The following HECW1 variants were observed in gnomAD, a reference collection of about 807,000 sequenced individuals.
HECW1 encodes the protein HECT, C2 and WW domain containing E3 ubiquitin protein ligase 1.
Under a neutral mutation model 182.3 loss-of-function variants are expected in HECW1, and 61 were observed. That is an observed-to-expected ratio of 0.33 (90% CI 0.27 to 0.41). The LOEUF is 0.41. Ranked by LOEUF, HECW1 falls within the 10% of genes least tolerant of loss-of-function variation. The probability of loss-of-function intolerance (pLI) is 1.00; values close to 1 mark genes in which losing one functional copy is unlikely to be tolerated. For synonymous variants in HECW1, 859 were observed against 832.6 expected (o/e 1.03, Z -0.55); for missense variants, 1,739 against 2,108.9 (o/e 0.82, Z 3.44).
chr7:43,141,042 G>A (rs926308380), intron 2 of HECW1, among the ~76,000 whole-genome samples: 2 of 152,198 alleles, frequency 1.3e-5, no homozygotes, highest in Non-Finnish European at 2.9e-5. Context: ...CAGCCATGCG[G>A]TGGGTTAGGA....
chr7:43,367,342 C>T (rs1816784264), intron 6 of HECW1, among the ~76,000 whole-genome samples: 1 of 152,168 alleles, frequency 6.6e-6, no homozygotes, highest in African/African-American at 2.4e-5. Flanking sequence ...ACCTCATTAA[C>T]AATACTATGA....
chr7:43,503,977 C>T (rs1017194974), intron 21 of HECW1, among the ~76,000 whole-genome samples: 10 of 152,296 alleles, frequency 6.6e-5, no homozygotes, highest in Middle Eastern at 3.4e-3. Context: ...CCATTGGTTC[C>T]CTCAGGCCCA....
At chr7:43,413,955 T>G (rs1464086277) in intron 8 of HECW1, among the ~76,000 whole-genome samples, 8 of 146,058 alleles carry the variant, frequency 5.5e-5, no homozygotes, top group Middle Eastern at 3.3e-3. Context: ...TTTGGTTCCA[T>G]ATGAACTTTA....
chr7:43,345,799 T>TAC lies in HECW1; in HGVS notation c.461-15059_461-15058dup, dbSNP rs58255657. ...GTTGTGTAGTATTCCATCATATATATACACACACACACACACACACACACA... is the reference window on the plus strand; with the variant it reads ...GTTGTGTAGTATTCCATCATATATATACACACACACACACACACACACACACA... On this transcript the variant is annotated intron_variant, in intron 5 of 29. Coordinates refer to ENST00000395891, the MANE Select transcript of HECW1 (RefSeq NM_015052.5). Among the ~76,000 whole-genome samples, 141 of 150,790 alleles carry TAC rather than the reference T, an allele frequency of 9.4e-4. No individual in the cohort carries two copies. The East Asian group carries it at 0.012, about 13-fold the overall frequency.
chr7:43,535,684 G>A lies in HECW1; in HGVS notation c.4020-5479G>A, dbSNP rs189789737. ...ATGAAAACCACTATTTGCATGTATCGAGGGTGTCCGTACTGTACCGTGGTG... is the reference window on the plus strand; with the variant it reads ...ATGAAAACCACTATTTGCATGTATCAAGGGTGTCCGTACTGTACCGTGGTG... On this transcript the variant is annotated intron_variant, in intron 24 of 29. Coordinates refer to ENST00000395891, the MANE Select transcript of HECW1 (RefSeq NM_015052.5). Among the ~76,000 whole-genome samples the A allele has an allele frequency of 7.2e-5, 11 of 152,312 alleles. No individual in the cohort carries two copies. In the East Asian group the frequency reaches 7.7e-4, roughly 11 times the overall value.
chr7:43,474,471 T>C (rs1232236147), intron 16 of HECW1, among the ~76,000 whole-genome samples: 1 of 151,764 alleles, frequency 6.6e-6, no homozygotes, highest in Middle Eastern at 3.2e-3. Flanking sequence ...AATAAATAAA[T>C]AAAAATCCTT....
chr7:43,523,206 G>A, intron 24 of HECW1: 1 of 240,214 alleles, frequency 4.2e-6, no homozygotes, highest in South Asian at 3.7e-5. Context: ...GTTTCTCCAT[G>A]TTGGCCGGGG....
chr7:43,290,944 G>A (rs1054126046), intron 3 of HECW1, among the ~76,000 whole-genome samples: 1 of 152,210 alleles, frequency 6.6e-6, no homozygotes, highest in African/African-American at 2.4e-5. Context: ...CCAGGATGAA[G>A]TTTCCATCAA....
rs1318516763 is a variant in HECW1 at position 43,562,612 on chromosome 7, A to G, written c.*686A>G. 3 of 227,386 alleles carry G rather than the reference A, an allele frequency of 1.3e-5. No individual in the cohort carries two copies. Among genetic ancestry groups the G allele is most frequent in the Admixed American group, 1.1e-4 (2 of 17,514 alleles). 14.1% of individuals were successfully genotyped at this position (227,386 alleles called of 1,614,324 possible). A position where few individuals can be genotyped will look rare whatever the true frequency, so the allele number is the denominator to read the frequency against. ...AAACACCTGCTGCTGATGCAATGCAATGCATCCCAATGGTTGTGGGGATTG... is the reference window on the plus strand; with the variant it reads ...AAACACCTGCTGCTGATGCAATGCAGTGCATCCCAATGGTTGTGGGGATTG... On this transcript the variant is annotated 3_prime_UTR_variant, in exon 30 of 30. Coordinates refer to ENST00000395891, the MANE Select transcript of HECW1 (RefSeq NM_015052.5).
chr7:43,499,617 A>G (rs2079258942), intron 19 of HECW1, among the ~76,000 whole-genome samples: 4 of 152,188 alleles, frequency 2.6e-5, no homozygotes, highest in Admixed American at 2.6e-4. Context: ...CTCAAAGTGT[A>G]AAAATTAAAC....
At position 43,173,250 on chromosome 7, in the gene HECW1, G is replaced by A. The variant is rs188927117; in HGVS notation, c.-32+58859G>A. On this transcript the variant is annotated intron_variant, in intron 2 of 29. Coordinates refer to ENST00000395891, the MANE Select transcript of HECW1 (RefSeq NM_015052.5). ...AAAAGACGCAGAGGAAAATTAAAGG[G>A]CCACTTTGCATGGCTAAGCAGAGGA... is the stretch of plus-strand genomic sequence containing the variant. Among the ~76,000 whole-genome samples the A allele has an allele frequency of 3.9e-3, 528 of 136,824 alleles. 1 individual carries two copies. The highest frequency in any genetic ancestry group is 6.6e-3 in the Non-Finnish European group (423 of 64,406). 89.8% of individuals were successfully genotyped at this position (136,824 alleles called of 152,430 possible).
At chr7:43,426,070 T>G (rs918845472) in intron 8 of HECW1, among the ~76,000 whole-genome samples, 1 of 152,156 alleles carries the variant, frequency 6.6e-6, no homozygotes, top group East Asian at 1.9e-4. Flanking sequence ...AAAATTTTCT[T>G]GCTAACAAGC....
At chr7:43,127,768 C>T (rs1786437731) in intron 2 of HECW1, among the ~76,000 whole-genome samples, 2 of 152,100 alleles carry the variant, frequency 1.3e-5, no homozygotes, top group Admixed American at 1.3e-4. Context: ...ACACTATCTT[C>T]AAACATAAAA....
chr7:43,471,722 G>T (rs993937106), intron 16 of HECW1, among the ~76,000 whole-genome samples: 6 of 152,190 alleles, frequency 3.9e-5, no homozygotes, highest in Non-Finnish European at 7.3e-5. Context: ...GTCACCATCA[G>T]AGAGGTAGGG....
chr7:43,358,071 A>G (rs184313564), intron 5 of HECW1, among the ~76,000 whole-genome samples: 106 of 152,276 alleles, frequency 7.0e-4, no homozygotes, highest in African/African-American at 2.5e-3. Context: ...TTTTCTTTAA[A>G]TGGAAATCTA....
At chr7:43,388,611 G>A (rs1300585122) in intron 6 of HECW1, among the ~76,000 whole-genome samples, 1 of 152,172 alleles carries the variant, frequency 6.6e-6, no homozygotes, top group African/African-American at 2.4e-5. Context: ...GCCCCAGGGT[G>A]TTACTGCTGG....
chr7:43,167,202 T>A (rs1326368949), intron 2 of HECW1, among the ~76,000 whole-genome samples: 4 of 152,102 alleles, frequency 2.6e-5, no homozygotes, highest in Non-Finnish European at 5.9e-5. Context: ...TCCTCCCCTA[T>A]CCTCTTCCAG....
chr7:43,565,283 T>C lies in HECW1; in HGVS notation c.*3357T>C, dbSNP rs2152968362. 4.8e-6 allele frequency: 1 copy of C among 206,756 alleles called. No individual in the cohort carries two copies. The highest frequency in any genetic ancestry group is 9.9e-6 in the Non-Finnish European group (1 of 101,134). 12.8% of individuals were successfully genotyped at this position (206,756 alleles called of 1,614,324 possible). A position where few individuals can be genotyped will look rare whatever the true frequency, so the allele number is the denominator to read the frequency against. On this transcript the variant is annotated 3_prime_UTR_variant, in exon 30 of 30. Coordinates refer to ENST00000395891, the MANE Select transcript of HECW1 (RefSeq NM_015052.5). ...AAAATTAAGAAAAAGAGACATATGA[T>C]TTGGGGGAGCAGGCGTTAAACATGC...
chr7:43,203,530 A>G (rs1795195951), intron 2 of HECW1, among the ~76,000 whole-genome samples: 1 of 152,146 alleles, frequency 6.6e-6, no homozygotes, highest in Non-Finnish European at 1.5e-5. Flanking sequence ...TGCTTATTGC[A>G]TCTTCTGCCT....
Sources: gnomAD v4.1 joint callset for allele counts (sites outside exome capture counted in the v4.1 genomes callset) on GRCh38, gnomAD v4.1.1 for gene constraint, MANE v1.5 for transcripts, NCBI Gene and HGNC (gene_info 2026-07-23, HGNC 2026-07-21) for gene names.